WDR72: variants seen among roughly 807,000 people sequenced by gnomAD.
The protein encoded by WDR72 is WD repeat-containing protein 72.
A neutral mutation model predicts 124.2 loss-of-function variants in WDR72; 120 were observed. The observed-to-expected ratio is 0.97, with a 90% CI of 0.83 to 1.12. The LOEUF (loss-of-function observed/expected upper bound fraction) is 1.12, where lower values mean the gene tolerates loss of function less well. Ranked by LOEUF, WDR72 falls within the 50% of genes most tolerant of loss-of-function variation. WDR72 has a pLI of 0.00. For synonymous variants in WDR72, 452 were observed against 441.7 expected (o/e 1.02, Z -0.29); for missense variants, 1,387 against 1,278.8 (o/e 1.08, Z -1.29).
chr15:53,552,128 ATGTGTGTGTGTG>A (rs34039658), intron 18 of WDR72, among the ~76,000 whole-genome samples: 1 of 149,848 alleles, frequency 6.7e-6, no homozygotes, highest in East Asian at 2.0e-4. Flanking sequence ...TATACCTATC[ATGTGTGTGTGTG>A]TGTGTGTGTG....
intron 13 of WDR72, among the ~76,000 whole-genome samples, chr15:53,692,937 C>T (rs2016888221): frequency 6.6e-6 from 1 of 152,070 alleles, no homozygotes; most frequent in Non-Finnish European, 1.5e-5. Context: ...ACCAATCAAC[C>T]CAAGAGGGTT....
intron 13 of WDR72, among the ~76,000 whole-genome samples, chr15:53,689,894 T>C (rs2016779040): frequency 6.6e-6 from 1 of 151,560 alleles, no homozygotes; most frequent in African/African-American, 2.4e-5. Context: ...CCATAAAAAA[T>C]GATGAGTTCA....
intron 18 of WDR72, among the ~76,000 whole-genome samples, chr15:53,555,395 T>C (rs570000549): frequency 2.7e-5 from 4 of 150,374 alleles, no homozygotes; most frequent in African/African-American, 7.4e-5. Flanking sequence ...AAGAAAGAAA[T>C]AGATCTGGGG....
At chr15:53,735,218 G>A (rs2018317558) in intron 1 of WDR72, among the ~76,000 whole-genome samples, 1 of 152,122 alleles carries the variant, frequency 6.6e-6, no homozygotes, top group East Asian at 1.9e-4. Context: ...TTGAACCCAG[G>A]AGGTGGAGGT....
intron 1 of WDR72, among the ~76,000 whole-genome samples, chr15:53,754,999 G>A (rs73412192): frequency 0.024 from 3,655 of 152,280 alleles, 150 homozygotes; most frequent in African/African-American, 0.084. Context: ...GTGACACAAT[G>A]TTAATTAAAA....
At chr15:53,538,249 A>G (rs186104001) in intron 18 of WDR72, among the ~76,000 whole-genome samples, 1 of 152,328 alleles carries the variant, frequency 6.6e-6, no homozygotes, top group Admixed American at 6.5e-5. Context: ...GCTTATGGAT[A>G]TGATTAGATC....
chr15:53,659,176 T>C (rs1471149337), intron 14 of WDR72, among the ~76,000 whole-genome samples: 2 of 152,154 alleles, frequency 1.3e-5, no homozygotes, highest in African/African-American at 4.8e-5. Context: ...ACACATTAAG[T>C]AAGCTTTCTT....
chr15:53,628,498 T>C (rs888932091), intron 14 of WDR72, among the ~76,000 whole-genome samples: 1 of 152,152 alleles, frequency 6.6e-6, no homozygotes, highest in Non-Finnish European at 1.5e-5. Context: ...GAAAAGATAG[T>C]GTGATTTCTT....
intron 18 of WDR72, among the ~76,000 whole-genome samples, chr15:53,539,577 A>G (rs568075552): frequency 2.0e-5 from 3 of 152,130 alleles, no homozygotes; most frequent in African/African-American, 7.2e-5. Flanking sequence ...TATTGCTAAT[A>G]GTTGAGGGCT....
chr15:53,586,566 A>C (rs2012225411), intron 18 of WDR72, among the ~76,000 whole-genome samples: 1 of 152,098 alleles, frequency 6.6e-6, no homozygotes, highest in African/African-American at 2.4e-5. Context: ...CTGTAAAATA[A>C]TTTAATTTCA....
intron 18 of WDR72, among the ~76,000 whole-genome samples, chr15:53,553,136 A>C (rs538310005): frequency 6.6e-6 from 1 of 152,286 alleles, no homozygotes; most frequent in Non-Finnish European, 1.5e-5. Context: ...AGAAAATCAT[A>C]ATGCCCGGTA....
intron 7 of WDR72, 109 bp downstream of exon 7, chr15:53,712,663 A>T: frequency 8.8e-7 from 1 of 1,133,212 alleles, no homozygotes; most frequent in Non-Finnish European, 1.3e-6. Flanking sequence ...TTCTGGTAAT[A>T]CTATTACAGA....
intron 14 of WDR72, among the ~76,000 whole-genome samples, chr15:53,635,878 T>C (rs759204489): frequency 6.6e-6 from 1 of 152,150 alleles, no homozygotes; most frequent in Non-Finnish European, 1.5e-5. Flanking sequence ...CTGCTGTTAA[T>C]AAGACATGCC....
chr15:53,628,861 T>C (rs2014310577), intron 14 of WDR72, among the ~76,000 whole-genome samples: 1 of 151,746 alleles, frequency 6.6e-6, no homozygotes, highest in African/African-American at 2.4e-5. Flanking sequence ...AAAAACAAAA[T>C]AAACAGCTTG....
rs181832937 is a variant in WDR72 at position 53,696,298 on chromosome 15, A to C, written c.1765+3452T>G. 2.0e-5 allele frequency among the ~76,000 whole-genome samples: 3 copies of C among 152,342 alleles called. No individual in the cohort carries two copies. The East Asian group carries it at 5.8e-4, about 29-fold the overall frequency. ...AGGCCCAGGAAAAATTGACTGGAGTAGGAAATACACAGACCTTCACCTGAG... is the reference window on the plus strand; with the variant it reads ...AGGCCCAGGAAAAATTGACTGGAGTCGGAAATACACAGACCTTCACCTGAG... On this transcript the variant is annotated intron_variant, in intron 13 of 19. Transcript: ENST00000360509.
At chr15:53,531,122 AG>A (rs1342314563) in intron 18 of WDR72, among the ~76,000 whole-genome samples, 1 of 152,076 alleles carries the variant, frequency 6.6e-6, no homozygotes, top group East Asian at 1.9e-4. Flanking sequence ...GAAGGATGCA[AG>A]GAAGAACATG....
chr15:53,533,130 G>T lies in WDR72; in HGVS notation c.3149-9808C>A, dbSNP rs1009221548. Among the ~76,000 whole-genome samples the T allele has an allele frequency of 2.0e-5, 3 of 151,964 alleles. No homozygotes were observed. In the South Asian group the frequency reaches 6.2e-4, roughly 32 times the overall value. On this transcript the variant is annotated intron_variant, in intron 18 of 19. Transcript: ENST00000360509. ...GTAAGCCCATGAGGACTCCACACTTGGAACACTGTGTGTGTCTCCAGTTAC... is the reference window on the plus strand; with the variant it reads ...GTAAGCCCATGAGGACTCCACACTTTGAACACTGTGTGTGTCTCCAGTTAC...
intron 14 of WDR72, among the ~76,000 whole-genome samples, chr15:53,617,606 A>C (rs2013821111): frequency 6.6e-6 from 1 of 151,848 alleles, no homozygotes; most frequent in Admixed American, 6.6e-5. Context: ...GCAAATCAAT[A>C]AGAAGAGGCT....
At chr15:53,570,573 G>A (rs1233038382) in intron 18 of WDR72, among the ~76,000 whole-genome samples, 2 of 152,016 alleles carry the variant, frequency 1.3e-5, no homozygotes. Context: ...TTATTAAAAT[G>A]TCAAAAAATA....
Sources: allele counts gnomAD v4.1 joint callset (sites outside exome capture counted in the v4.1 genomes callset), GRCh38; gene constraint gnomAD v4.1.1; transcripts MANE v1.5; gene names NCBI Gene and HGNC (gene_info 2026-07-23, HGNC 2026-07-21).